Variants in ARFGEF3 observed in about 807,000 individuals in gnomAD.
ARFGEF3 encodes the protein brefeldin A-inhibited guanine nucleotide-exchange protein 3.
A neutral mutation model predicts 221.7 loss-of-function variants in ARFGEF3; 96 were observed. That is an observed-to-expected ratio of 0.43 (90% CI 0.37 to 0.51). ARFGEF3 has a LOEUF of 0.51. Ranked by LOEUF, ARFGEF3 falls within the 20% of genes least tolerant of loss-of-function variation. The pLI, the probability that ARFGEF3 is intolerant of heterozygous loss-of-function variation, is 0.00. For missense variants in ARFGEF3, 2,410 were observed against 2,789.9 expected (o/e 0.86, Z 3.07); for synonymous variants, 1,145 against 1,126.8 (o/e 1.02, Z -0.32).
At chr6:138,209,782 T>G (rs1353842577) in intron 3 of ARFGEF3, 128 bp from the exon 4 acceptor site, 8 of 1,208,624 alleles carry the variant, frequency 6.6e-6, no homozygotes, top group Non-Finnish European at 9.3e-6. Context: ...GCGTAAGTTC[T>G]TTCTTAATGG....
At chr6:138,329,981 GGTT>G (rs1360783940) in intron 32 of ARFGEF3, among the ~76,000 whole-genome samples, 6 of 152,086 alleles carry the variant, frequency 3.9e-5, no homozygotes, top group Admixed American at 1.3e-4. Context: ...GAAAAAGGGG[GGTT>G]GTTCTCTGGC....
chr6:138,243,040 AG>A lies in ARFGEF3; in HGVS notation c.586+47del, dbSNP rs533642433. ...TAGTTCAGTTTTTAAAGCAGGTGTGAGAATGCCTACTGTGTGCTTGGAGTGA... is the reference window on the plus strand; with the variant it reads ...TAGTTCAGTTTTTAAAGCAGGTGTGAAATGCCTACTGTGTGCTTGGAGTGA... On this transcript the variant is annotated intron_variant, in intron 7 of 33. Coordinates refer to ENST00000251691, the MANE Select transcript of ARFGEF3 (RefSeq NM_020340.5). The A allele has an allele frequency of 3.8e-4, 558 of 1,468,674 alleles. 5 individuals carry two copies. The South Asian group carries it at 6.2e-3, about 16-fold the overall frequency. 91.0% of individuals were successfully genotyped at this position (1,468,674 alleles called of 1,614,324 possible). A position where few individuals can be genotyped will look rare whatever the true frequency, so the allele number is the denominator to read the frequency against.
intron 2 of ARFGEF3, among the ~76,000 whole-genome samples, chr6:138,183,459 C>T (rs1033345574): frequency 4.6e-5 from 7 of 152,096 alleles, no homozygotes; most frequent in Admixed American, 1.3e-4. Flanking sequence ...ATGATTGCCT[C>T]GCTGTGTTCA....
chr6:138,216,781 A>G (rs1008180379), intron 4 of ARFGEF3: 1 of 152,242 alleles, frequency 6.6e-6, no homozygotes, highest in African/African-American at 2.4e-5. Context: ...TTGATGAAAA[A>G]TATTTAACTC....
In ARFGEF3 at chr6:138,336,493, C is replaced by T. The variant is rs2114703595; in HGVS notation, c.*7C>T. Reference sequence around the variant, plus strand: ...CTATGACATCATTGTGTAGCCGACTCCTGTTCTACTCTCCCACCAAATAAC... The same window carrying T: ...CTATGACATCATTGTGTAGCCGACTTCTGTTCTACTCTCCCACCAAATAAC... On this transcript the variant is annotated 3_prime_UTR_variant, in exon 34 of 34. Coordinates refer to ENST00000251691, the MANE Select transcript of ARFGEF3 (RefSeq NM_020340.5). 6.9e-6 allele frequency: 11 copies of T among 1,594,258 alleles called. No homozygotes were observed. In the South Asian group the frequency reaches 9.2e-5, roughly 13 times the overall value.
At chr6:138,205,672 A>G (rs538859697) in intron 2 of ARFGEF3, among the ~76,000 whole-genome samples, 26 of 152,372 alleles carry the variant, frequency 1.7e-4, no homozygotes, top group African/African-American at 6.3e-4. Flanking sequence ...TGGATGTAAC[A>G]GAGTTGGGTA....
intron 4 of ARFGEF3, among the ~76,000 whole-genome samples, chr6:138,225,018 T>A (rs1357107497): frequency 6.6e-6 from 1 of 152,156 alleles, no homozygotes; most frequent in Admixed American, 6.5e-5. Context: ...GGGAGGGCAG[T>A]GGTAGGATGG....
At position 138,341,954 on chromosome 6, in the gene ARFGEF3, G is replaced by A. The variant is rs1346679176; in HGVS notation, c.*5468G>A. ...GTATCTTTGTACAATACTACAAAGG[G>A]GTACCAGGGAGGAGAGAGTGGCTGA... On this transcript the variant is annotated 3_prime_UTR_variant, in exon 34 of 34. Transcript: ENST00000251691. The A allele has an allele frequency of 1.3e-5, 2 of 152,148 alleles. No homozygotes were observed. Among genetic ancestry groups the A allele is most frequent in the African/African-American group, 4.8e-5 (2 of 41,430 alleles). The allele number at this position is 152,148 out of a possible 1,614,324, so 9.4% of individuals were successfully genotyped here.
intron 20 of ARFGEF3, among the ~76,000 whole-genome samples, chr6:138,294,437 CCTT>C (rs1779470633): frequency 1.3e-5 from 2 of 152,236 alleles, no homozygotes; most frequent in African/African-American, 4.8e-5. Flanking sequence ...CAGATAGCTT[CCTT>C]CACATGAGGG....
chr6:138,280,648 C>A (rs1272283028), intron 14 of ARFGEF3, among the ~76,000 whole-genome samples: 2 of 152,148 alleles, frequency 1.3e-5, no homozygotes, highest in Admixed American at 6.5e-5. Context: ...GTCAGGAGTT[C>A]GAGACCAGCC....
intron 2 of ARFGEF3, among the ~76,000 whole-genome samples, chr6:138,182,025 G>C (rs1371757433): frequency 6.6e-6 from 1 of 152,116 alleles, no homozygotes; most frequent in East Asian, 1.9e-4. Context: ...CTGGGAGAAG[G>C]GTGGGTGCAG....
At chr6:138,316,219 G>A (rs1482414557) in intron 26 of ARFGEF3, among the ~76,000 whole-genome samples, 1 of 151,932 alleles carries the variant, frequency 6.6e-6, no homozygotes, top group Non-Finnish European at 1.5e-5. Context: ...CATAATCAAT[G>A]TAACTAGGAC....
chr6:138,308,594 A>G (rs1042580535), intron 23 of ARFGEF3, 145 bp from the exon 24 acceptor site: 2 of 839,830 alleles, frequency 2.4e-6, no homozygotes, highest in Non-Finnish European at 3.8e-6. Context: ...AGCCAAGCCA[A>G]TGGCCCAATA....
chr6:138,288,825 G>A (rs2114632039), intron 17 of ARFGEF3, among the ~76,000 whole-genome samples: 1 of 152,356 alleles, frequency 6.6e-6, no homozygotes, highest in South Asian at 2.1e-4. Flanking sequence ...CCATCACTTA[G>A]TTATCCTACC....
intron 17 of ARFGEF3, among the ~76,000 whole-genome samples, chr6:138,289,447 T>TGACCCCTAGGC (rs2114632971): frequency 6.6e-6 from 1 of 152,340 alleles, no homozygotes; most frequent in South Asian, 2.1e-4. Flanking sequence ...AGCCAGGAAT[T>TGACCCCTAGGC]CTTCCATTTG....
At chr6:138,168,281 G>C (rs770630264) in intron 1 of ARFGEF3, among the ~76,000 whole-genome samples, 14 of 152,210 alleles carry the variant, frequency 9.2e-5, no homozygotes, top group Non-Finnish European at 1.8e-4. Context: ...AAGAAGATAG[G>C]AGGTACTTGG....
At chr6:138,223,731 A>C (rs1308477373) in intron 4 of ARFGEF3, among the ~76,000 whole-genome samples, 1 of 152,110 alleles carries the variant, frequency 6.6e-6, no homozygotes, top group Non-Finnish European at 1.5e-5. Context: ...GGTTTAATTT[A>C]TTATATGTGT....
At chr6:138,169,532 G>A (rs990893047) in intron 1 of ARFGEF3, among the ~76,000 whole-genome samples, 6 of 152,152 alleles carry the variant, frequency 3.9e-5, no homozygotes, top group African/African-American at 7.2e-5. Context: ...GAGCAGCATC[G>A]GCTCATCCTG....
At chr6:138,172,130 C>T (rs997437880) in intron 2 of ARFGEF3, among the ~76,000 whole-genome samples, 41 of 152,238 alleles carry the variant, frequency 2.7e-4, no homozygotes, top group African/African-American at 9.4e-4. Flanking sequence ...AAACTAAGTG[C>T]ATTTTTGTGT....
Sources: allele counts gnomAD v4.1 joint callset (sites outside exome capture counted in the v4.1 genomes callset), GRCh38; gene constraint gnomAD v4.1.1; transcripts MANE v1.5; gene names NCBI Gene and HGNC (gene_info 2026-07-23, HGNC 2026-07-21).